REDIC1: variants seen among roughly 807,000 people sequenced by gnomAD.
REDIC1 encodes HEI10 Interacting Protein 1.
chr12:39,703,926 C>T, the REDIC1 span, among the ~76,000 whole-genome samples: 1 of 152,242 alleles, frequency 6.6e-6, no homozygotes, highest in Admixed American at 6.5e-5. Flanking sequence ...AAAATCAATT[C>T]AAGATGGATT....
the REDIC1 span, among the ~76,000 whole-genome samples, chr12:39,839,780 C>A: frequency 6.6e-6 from 1 of 152,008 alleles, no homozygotes; most frequent in Non-Finnish European, 1.5e-5. Flanking sequence ...CTCTTTCTTT[C>A]CTTTGTTTCT....
the REDIC1 span, among the ~76,000 whole-genome samples, chr12:39,730,177 A>T: frequency 1.2e-4 from 18 of 152,110 alleles, no homozygotes; most frequent in African/African-American, 3.6e-4. Context: ...TAATATTGTT[A>T]TGTGTGAATT....
the REDIC1 span, among the ~76,000 whole-genome samples, chr12:39,765,409 C>T: frequency 1.1e-4 from 17 of 152,020 alleles, no homozygotes; most frequent in African/African-American, 4.1e-4. Context: ...ATGACCTTGC[C>T]TTCTTAATCC....
chr12:39,748,615 C>T, the REDIC1 span, among the ~76,000 whole-genome samples: 1 of 152,220 alleles, frequency 6.6e-6, no homozygotes, highest in South Asian at 2.1e-4. Flanking sequence ...ACACAATATA[C>T]ATTCTTCTCA....
chr12:39,764,275 A>G, the REDIC1 span, among the ~76,000 whole-genome samples: 1 of 152,084 alleles, frequency 6.6e-6, no homozygotes, highest in Admixed American at 6.6e-5. Flanking sequence ...TGTTTAGGAT[A>G]GGAGAATCCC....
At chr12:39,704,223 A>C in the REDIC1 span, among the ~76,000 whole-genome samples, 1 of 152,162 alleles carries the variant, frequency 6.6e-6, no homozygotes, top group African/African-American at 2.4e-5. Flanking sequence ...CAACAAATTT[A>C]CAAGAAAAAA....
the REDIC1 span, among the ~76,000 whole-genome samples, chr12:39,654,870 CT>C: frequency 3.3e-5 from 5 of 151,802 alleles, no homozygotes; most frequent in East Asian, 1.9e-4. Flanking sequence ...TGCACATGGA[CT>C]TTTTTTTAGT....
chr12:39,771,362 C>T, the REDIC1 span, among the ~76,000 whole-genome samples: 1 of 152,154 alleles, frequency 6.6e-6, no homozygotes, highest in Non-Finnish European at 1.5e-5. Context: ...GTCTCTCATT[C>T]CCTTGCTGGT....
At chr12:39,716,797 C>G in the REDIC1 span, 3 of 1,602,092 alleles carry the variant, frequency 1.9e-6, no homozygotes, top group Non-Finnish European at 2.6e-6. Context: ...TAGTTACTCT[C>G]CAAGACCAAC....
the REDIC1 span, among the ~76,000 whole-genome samples, chr12:39,867,171 C>T: frequency 1.3e-5 from 2 of 152,126 alleles, no homozygotes; most frequent in Admixed American, 1.3e-4. Flanking sequence ...AAATCTGAGT[C>T]CCTATTTTCC....
chr12:39,701,942 G>T, the REDIC1 span, among the ~76,000 whole-genome samples: 1 of 152,156 alleles, frequency 6.6e-6, no homozygotes, highest in Non-Finnish European at 1.5e-5. Context: ...TTAAAGCAGT[G>T]TGTAGGGGGA....
At chr12:39,771,041 A>G in the REDIC1 span, among the ~76,000 whole-genome samples, 1 of 152,194 alleles carries the variant, frequency 6.6e-6, no homozygotes, top group Non-Finnish European at 1.5e-5. Context: ...ACGTACACAA[A>G]GAATTTCACA....
the REDIC1 span, among the ~76,000 whole-genome samples, chr12:39,700,437 G>A: frequency 6.6e-6 from 1 of 152,212 alleles, no homozygotes; most frequent in Non-Finnish European, 1.5e-5. Context: ...GGGACTATGT[G>A]AAAAGACCAA....
the REDIC1 span, among the ~76,000 whole-genome samples, chr12:39,875,755 G>T: frequency 1.3e-5 from 2 of 152,164 alleles, no homozygotes; most frequent in African/African-American, 4.8e-5. Flanking sequence ...TAAAAGTCAG[G>T]TCATGGTCTT....
the REDIC1 span, among the ~76,000 whole-genome samples, chr12:39,711,965 A>G: frequency 3.8e-4 from 49 of 129,582 alleles, no homozygotes; most frequent in Admixed American, 3.0e-3. Context: ...ATATATATCT[A>G]TGTATATATA....
At chr12:39,651,368 A>G in the REDIC1 span, among the ~76,000 whole-genome samples, 1 of 152,190 alleles carries the variant, frequency 6.6e-6, no homozygotes, top group African/African-American at 2.4e-5. Flanking sequence ...TGTGAATCCT[A>G]GTTTGTTGTT....
At chr12:39,696,701 A>G in the REDIC1 span, among the ~76,000 whole-genome samples, 1 of 152,050 alleles carries the variant, frequency 6.6e-6, no homozygotes, top group Admixed American at 6.6e-5. Flanking sequence ...ATTCAGAAGT[A>G]TATCAGACAA....
At chr12:39,697,343 G>C in the REDIC1 span, among the ~76,000 whole-genome samples, 2 of 152,190 alleles carry the variant, frequency 1.3e-5, no homozygotes, top group Non-Finnish European at 2.9e-5. Flanking sequence ...CACCAGACCT[G>C]TTCTGCAAGA....
chr12:39,651,305 G>A, the REDIC1 span, among the ~76,000 whole-genome samples: 1 of 152,066 alleles, frequency 6.6e-6, no homozygotes, highest in Non-Finnish European at 1.5e-5. Flanking sequence ...GTTATAGACC[G>A]ACCATGGAAA....
Sources: allele counts gnomAD v4.1 joint callset (sites outside exome capture counted in the v4.1 genomes callset), GRCh38; gene constraint gnomAD v4.1.1; transcripts MANE v1.5; gene names NCBI Gene and HGNC (gene_info 2026-07-23, HGNC 2026-07-21).